Variants in MC2R observed in about 807,000 individuals in gnomAD.
MC2R encodes the protein melanocortin 2 receptor, also known as adrenocorticotropic hormone receptor.
Under a neutral mutation model 9.8 loss-of-function variants are expected in MC2R, and 9 were observed. The observed-to-expected ratio is 0.92, with a 90% CI of 0.55 to 1.60. The LOEUF is 1.60. MC2R is among the 40% of genes most tolerant of loss of function. The pLI is 0.00. For missense variants in MC2R, 370 were observed against 389.0 expected, an observed-to-expected ratio of 0.95 and a Z score of 0.41; for synonymous variants, 185 against 154.7, an observed-to-expected ratio of 1.20 and a Z score of -1.45.
At position 13,885,177 on chromosome 18, in the gene MC2R, C is replaced by T. The variant is rs776381564; in HGVS notation, c.342G>A (p.Leu114=). 1.2e-5 allele frequency: 20 copies of T among 1,614,010 alleles called. No individual in the cohort carries two copies. Among genetic ancestry groups the T allele is most frequent in the Non-Finnish European group, 1.7e-5 (20 of 1,180,036 alleles). ...CAGACAGGCTGAAGATGGAGCCAAG[C>T]AGGGAGAGGACAAACAGGGAGTCGA... ...DIIDSLFVLS[L]LGSIFSLSVI... The change falls in exon 2 of 2, where the codon CTG becomes CTA. Residue 114 remains leucine, a synonymous_variant. Coordinates refer to ENST00000327606, the MANE Select transcript of MC2R (RefSeq NM_000529.2).
Position 13,885,229 on chromosome 18 carries a change from C to CA in MC2R, c.289_290insT (p.Ser97MetfsTer3). On this transcript the variant is annotated frameshift_variant, in exon 2 of 2. Coordinates refer to ENST00000327606, the MANE Select transcript of MC2R (RefSeq NM_000529.2). LOFTEE classifies it high-confidence loss of function. ...GATGTCATCGGCTGTGGTTTCAAAA[C>CA]TGCCACGTGGCTTGAGATAGCCCAT... 1.2e-6 allele frequency: 2 copies of CA among 1,614,186 alleles called. No homozygotes were observed. Among genetic ancestry groups the CA allele is most frequent in the Non-Finnish European group, 1.7e-6 (2 of 1,180,034 alleles).
intron 1 of MC2R, among the ~76,000 whole-genome samples, chr18:13,895,506 G>A (rs988755528): frequency 6.6e-6 from 1 of 152,178 alleles, no homozygotes; most frequent in Non-Finnish European, 1.5e-5. Flanking sequence ...GGACCTTCGT[G>A]CAAGAGAGTC....
chr18:13,906,944 A>G (rs2149142837), intron 1 of MC2R, among the ~76,000 whole-genome samples: 1 of 152,326 alleles, frequency 6.6e-6, no homozygotes, highest in African/African-American at 2.4e-5. Context: ...AAATTTCCAT[A>G]CTACCCAAAG....
At position 13,885,181 on chromosome 18, in the gene MC2R, G is replaced by C; in HGVS notation, c.338C>G (p.Ser113Cys). The C allele has an allele frequency of 6.2e-7, 1 of 1,614,200 alleles. No individual in the cohort carries two copies. The highest frequency in any genetic ancestry group is 8.5e-7 in the Non-Finnish European group (1 of 1,180,036). Reference protein sequence around the residue: ...DDIIDSLFVLSLLGSIFSLSV... With the variant: ...DDIIDSLFVLCLLGSIFSLSV... ...CAGGCTGAAGATGGAGCCAAGCAGG[G>C]AGAGGACAAACAGGGAGTCGATGAT... is the stretch of plus-strand genomic sequence containing the variant. The change falls in exon 2 of 2, where the codon TCC becomes TGC. Residue 113 changes from serine (S) to cysteine (C), a missense_variant. Transcript: ENST00000327606.
chr18:13,906,781 A>T (rs756582493), intron 1 of MC2R, among the ~76,000 whole-genome samples: 4 of 152,232 alleles, frequency 2.6e-5, no homozygotes, highest in African/African-American at 4.8e-5. Context: ...TCCCATTTAC[A>T]ATAGCCTCAA....
chr18:13,908,886 A>G (rs1312269125), intron 1 of MC2R, among the ~76,000 whole-genome samples: 1 of 152,216 alleles, frequency 6.6e-6, no homozygotes, highest in Admixed American at 6.5e-5. Flanking sequence ...CAAAGATAGT[A>G]GAGTCCCCAC....
At chr18:13,893,989 C>T (rs1371718559) in intron 1 of MC2R, among the ~76,000 whole-genome samples, 3 of 152,216 alleles carry the variant, frequency 2.0e-5, no homozygotes, top group African/African-American at 7.2e-5. Context: ...TGAGGAGGCA[C>T]TGGCTTCTGG....
intron 1 of MC2R, among the ~76,000 whole-genome samples, chr18:13,886,399 AGATGAACAGCAGCGGTGCCCTT>A (rs1279196656): frequency 2.0e-5 from 3 of 152,240 alleles, no homozygotes; most frequent in African/African-American, 7.2e-5. Flanking sequence ...TGGGATGAAC[AGATGAACAGCAGCGGTGCCCTT>A]GATGAAAAAA....
Position 13,884,318 on chromosome 18 carries a change from T to C in MC2R, c.*307A>G, listed in dbSNP as rs2045257681. The C allele has an allele frequency of 2.4e-6, 1 of 421,032 alleles. No individual in the cohort carries two copies. Among genetic ancestry groups the C allele is most frequent in the Non-Finnish European group, 4.4e-6 (1 of 225,596 alleles). 26.1% of individuals were successfully genotyped at this position (421,032 alleles called of 1,614,324 possible). On this transcript the variant is annotated 3_prime_UTR_variant, in exon 2 of 2. Transcript: ENST00000327606. Reference sequence around the variant, plus strand: ...TTTACTAGATTGGTGCAAAAGTAATTGCAATTTTTGGTCATTGAAAGTAAT... The same window carrying C: ...TTTACTAGATTGGTGCAAAAGTAATCGCAATTTTTGGTCATTGAAAGTAAT...
In MC2R at chr18:13,884,043, G is replaced by T. The variant is rs34861769; in HGVS notation, c.*582C>A. On this transcript the variant is annotated 3_prime_UTR_variant, in exon 2 of 2. Transcript: ENST00000327606. ...ACATCAGACTAACAGGGAGAAAGAG[G>T]AGGGTGGAGATTCCACATGGCTGTG... 2.0e-3 allele frequency: 335 copies of T among 169,200 alleles called. No homozygotes were observed. Among genetic ancestry groups the T allele is most frequent in the African/African-American group, 7.7e-3 (323 of 41,780 alleles). The allele number at this position is 169,200 out of a possible 1,614,324, so 10.5% of individuals were successfully genotyped here. A position where few individuals can be genotyped will look rare whatever the true frequency, so the allele number is the denominator to read the frequency against.
intron 1 of MC2R, among the ~76,000 whole-genome samples, chr18:13,892,096 G>A (rs920485098): frequency 6.6e-6 from 1 of 152,182 alleles, no homozygotes; most frequent in Non-Finnish European, 1.5e-5. Context: ...ACCAGAGTCT[G>A]GGGTCAATTC....
chr18:13,885,159 G>A lies in MC2R; in HGVS notation c.360C>T (p.Ser120=), dbSNP rs104894656. Residue 120 remains serine, a synonymous_variant, in exon 2 of 2, where the codon AGC becomes AGT. Coordinates refer to ENST00000327606, the MANE Select transcript of MC2R (RefSeq NM_000529.2). The part of the protein sequence containing the change: ...FVLSLLGSIF[S]LSVIAADRYI... ...AGCGGTCCGCAGCAATCACAGACAGGCTGAAGATGGAGCCAAGCAGGGAGA... is the reference window on the plus strand; with the variant it reads ...AGCGGTCCGCAGCAATCACAGACAGACTGAAGATGGAGCCAAGCAGGGAGA... 6 of 1,614,068 alleles carry A rather than the reference G, an allele frequency of 3.7e-6. No individual in the cohort carries two copies. The highest frequency in any genetic ancestry group is 4.2e-6 in the Non-Finnish European group (5 of 1,180,052).
chr18:13,904,879 A>G (rs2045403813), intron 1 of MC2R, among the ~76,000 whole-genome samples: 1 of 152,190 alleles, frequency 6.6e-6, no homozygotes, highest in Non-Finnish European at 1.5e-5. Context: ...CCTTCCTTAT[A>G]CCTTATACAA....
At chr18:13,906,101 A>T (rs377160169) in intron 1 of MC2R, among the ~76,000 whole-genome samples, 1 of 152,178 alleles carries the variant, frequency 6.6e-6, no homozygotes, top group East Asian at 1.9e-4. Flanking sequence ...AAATATATAA[A>T]TCATTCTACT....
chr18:13,892,261 C>T (rs1171221115), intron 1 of MC2R, among the ~76,000 whole-genome samples: 1 of 152,162 alleles, frequency 6.6e-6, no homozygotes, highest in African/African-American at 2.4e-5. Flanking sequence ...TGTTGAAAGC[C>T]ACCCTCTGAA....
At position 13,883,617 on chromosome 18, in the gene MC2R, A is replaced by ACTCT. The variant is rs2045249175; in HGVS notation, c.*1007_*1008insAGAG. On this transcript the variant is annotated 3_prime_UTR_variant, in exon 2 of 2. Coordinates refer to ENST00000327606, the MANE Select transcript of MC2R (RefSeq NM_000529.2). ...CACACACACACACACACACACACAC[A>ACTCT]CACACACACACTCTCTCTCTCTCTC... 6 of 78,856 alleles carry ACTCT rather than the reference A, an allele frequency of 7.6e-5. No individual in the cohort carries two copies. The highest frequency in any genetic ancestry group is 3.0e-4 in the African/African-American group (6 of 20,010). 4.9% of individuals were successfully genotyped at this position (78,856 alleles called of 1,614,324 possible).
chr18:13,907,190 G>A (rs1336135095), intron 1 of MC2R, among the ~76,000 whole-genome samples: 1 of 152,168 alleles, frequency 6.6e-6, no homozygotes, highest in African/African-American at 2.4e-5. Context: ...ATAAATGGAA[G>A]AGAATAAATA....
In MC2R at chr18:13,885,212, C is replaced by G. The variant is rs768093045; in HGVS notation, c.307G>C (p.Asp103His). 6.2e-7 allele frequency: 1 copy of G among 1,613,990 alleles called. No individual in the cohort carries two copies. Among genetic ancestry groups the G allele is most frequent in the African/African-American group, 1.3e-5 (1 of 74,886 alleles). The change falls in exon 2 of 2, where the codon GAT (aspartate) becomes CAT (histidine). Residue 103 changes from aspartate (D) to histidine (H), a missense_variant. By Grantham distance (81) the Asp-to-His change is moderately conservative. Transcript: ENST00000327606. ...KPRGSFETTA[D>H]DIIDSLFVLS... ...ACAAACAGGGAGTCGATGATGTCATCGGCTGTGGTTTCAAAACTGCCACGT... is the reference window on the plus strand; with the variant it reads ...ACAAACAGGGAGTCGATGATGTCATGGGCTGTGGTTTCAAAACTGCCACGT...
chr18:13,901,058 C>T (rs563433854), intron 1 of MC2R, among the ~76,000 whole-genome samples: 1 of 152,102 alleles, frequency 6.6e-6, no homozygotes, highest in African/African-American at 2.4e-5. Flanking sequence ...CTTCTCTGAC[C>T]ACAATGGAAT....
Sources: gnomAD v4.1 joint callset for allele counts (sites outside exome capture counted in the v4.1 genomes callset) on GRCh38, gnomAD v4.1.1 for gene constraint, MANE v1.5 for transcripts, NCBI Gene and HGNC (gene_info 2026-07-23, HGNC 2026-07-21) for gene names.